RUNX1: variants seen among roughly 807,000 people sequenced by gnomAD.
The protein encoded by RUNX1 is RUNX family transcription factor 1.
A neutral mutation model predicts 42.8 loss-of-function variants in RUNX1; 19 were observed. The ratio of observed to expected loss-of-function variants is 0.44; its 90% confidence interval spans 0.31 to 0.65. RUNX1 has a LOEUF of 0.65. Among genes scored for constraint, RUNX1 ranks in the 30% least tolerant of loss-of-function variants. The pLI is 0.07. For synonymous variants in RUNX1, 271 were observed against 289.4 expected, an observed-to-expected ratio of 0.94 and a Z score of 0.64; for missense variants, 528 against 672.0, an observed-to-expected ratio of 0.79 and a Z score of 2.37.
intron 2 of RUNX1, among the ~76,000 whole-genome samples, chr21:34,933,377 G>A (rs1034217079): frequency 1.7e-4 from 26 of 152,156 alleles, no homozygotes; most frequent in African/African-American, 6.0e-4. Flanking sequence ...AGGCTGTGTT[G>A]CTCTGATGTG....
intron 2 of RUNX1, among the ~76,000 whole-genome samples, chr21:34,957,595 T>C (rs1254259441): frequency 1.3e-5 from 2 of 152,200 alleles, no homozygotes; most frequent in Non-Finnish European, 2.9e-5. Flanking sequence ...CCTTTCTCTA[T>C]TATCCGAGGA....
chr21:34,849,304 A>ACT (rs2057365645), intron 6 of RUNX1, among the ~76,000 whole-genome samples: 10 of 39,150 alleles, frequency 2.6e-4, no homozygotes, highest in East Asian at 2.6e-3. Flanking sequence ...TAAAATATAT[A>ACT]ATATATATTA....
chr21:34,957,259 T>C (rs1451814405), intron 2 of RUNX1, among the ~76,000 whole-genome samples: 1 of 152,130 alleles, frequency 6.6e-6, no homozygotes, highest in East Asian at 1.9e-4. Flanking sequence ...GTGATAATTA[T>C]CAATTATAAA....
At chr21:35,027,929 A>T (rs1397347520) in intron 2 of RUNX1, among the ~76,000 whole-genome samples, 1 of 152,194 alleles carries the variant, frequency 6.6e-6, no homozygotes, top group African/African-American at 2.4e-5. Flanking sequence ...GCCTACATTT[A>T]AAAATGCATG....
intron 2 of RUNX1, among the ~76,000 whole-genome samples, chr21:35,003,255 A>G (rs1046595529): frequency 3.9e-5 from 6 of 152,334 alleles, no homozygotes; most frequent in African/African-American, 1.4e-4. Context: ...AGATGCAGTT[A>G]TGGCTAAGTG....
Position 34,861,805 on chromosome 21 carries a change from T to C in RUNX1, c.509-2227A>G, listed in dbSNP as rs544766484. On this transcript the variant is annotated intron_variant, in intron 5 of 8. Transcript: ENST00000675419. ...TCAGTCACTTGTTTTCCAGGCAGCC[T>C]TCCTTGATGACTACATTTTGCTTTA... Among the ~76,000 whole-genome samples, 14 of 152,298 alleles carry C rather than the reference T, an allele frequency of 9.2e-5. 1 individual carries two copies. In the South Asian group the frequency reaches 2.9e-3, roughly 32 times the overall value.
chr21:34,824,903 G>T (rs1282561316), intron 7 of RUNX1, among the ~76,000 whole-genome samples: 1 of 152,190 alleles, frequency 6.6e-6, no homozygotes, highest in African/African-American at 2.4e-5. Context: ...TGCCTAATAA[G>T]AAAACCCAAG....
chr21:34,909,068 C>A (rs1180595343), intron 2 of RUNX1, among the ~76,000 whole-genome samples: 1 of 152,100 alleles, frequency 6.6e-6, no homozygotes, highest in Non-Finnish European at 1.5e-5. Flanking sequence ...CAAATTAAAC[C>A]TGAATCTTAA....
chr21:34,850,098 A>G (rs986462227), intron 6 of RUNX1, among the ~76,000 whole-genome samples: 1 of 152,226 alleles, frequency 6.6e-6, no homozygotes, highest in African/African-American at 2.4e-5. Flanking sequence ...TGAAAAATGG[A>G]AAGTGGCTAG....
intron 2 of RUNX1, among the ~76,000 whole-genome samples, chr21:35,033,320 A>G (rs546637254): frequency 1.3e-5 from 2 of 152,356 alleles, no homozygotes; most frequent in East Asian, 3.9e-4. Flanking sequence ...ATGTTTTGGT[A>G]AGAGCAAATA....
chr21:34,943,512 G>A (rs931666754), intron 2 of RUNX1, among the ~76,000 whole-genome samples: 4 of 152,164 alleles, frequency 2.6e-5, no homozygotes, highest in African/African-American at 7.2e-5. Flanking sequence ...GGGGATCAAC[G>A]GATCAAAATC....
chr21:34,936,313 G>A (rs2146614504), intron 2 of RUNX1, among the ~76,000 whole-genome samples: 1 of 152,042 alleles, frequency 6.6e-6, no homozygotes, highest in Middle Eastern at 3.4e-3. Flanking sequence ...TCCAGAAAAT[G>A]TTTTAAATTA....
chr21:34,950,586 A>C (rs2058599651), intron 2 of RUNX1, among the ~76,000 whole-genome samples: 2 of 152,158 alleles, frequency 1.3e-5, no homozygotes, highest in African/African-American at 2.4e-5. Context: ...TAAATACAAA[A>C]ATTAGCTGCG....
intron 5 of RUNX1, among the ~76,000 whole-genome samples, chr21:34,868,908 G>A (rs1339713406): frequency 6.6e-6 from 1 of 152,164 alleles, no homozygotes; most frequent in Non-Finnish European, 1.5e-5. Flanking sequence ...GTGGGGCAGA[G>A]GGAGAGTTCT....
chr21:34,803,646 C>T (rs991892097), intron 7 of RUNX1, among the ~76,000 whole-genome samples: 1 of 152,164 alleles, frequency 6.6e-6, no homozygotes, highest in Non-Finnish European at 1.5e-5. Context: ...ATGTCTGATG[C>T]AGCCACTTTA....
At chr21:35,035,382 C>T (rs1446310698) in intron 2 of RUNX1, among the ~76,000 whole-genome samples, 2 of 152,196 alleles carry the variant, frequency 1.3e-5, no homozygotes, top group Admixed American at 6.5e-5. Flanking sequence ...CCTCCCCACA[C>T]CCTGTCACAT....
At chr21:34,851,249 A>G (rs1248673320) in intron 6 of RUNX1, among the ~76,000 whole-genome samples, 2 of 152,260 alleles carry the variant, frequency 1.3e-5, no homozygotes, top group African/African-American at 4.8e-5. Flanking sequence ...ACCTGAGTGC[A>G]TGTGGATTTG....
chr21:34,793,445 C>T (rs1451893389), intron 8 of RUNX1, among the ~76,000 whole-genome samples: 1 of 151,934 alleles, frequency 6.6e-6, no homozygotes, highest in African/African-American at 2.4e-5. Context: ...CTGCAGCCTG[C>T]CAGCCAAATC....
At chr21:34,887,745 A>G in intron 3 of RUNX1, 1 of 1,060,498 alleles carries the variant, frequency 9.4e-7, no homozygotes, top group Non-Finnish European at 1.1e-6. Context: ...TTACAATACA[A>G]TCTGTGGAGA....
Sources: allele counts gnomAD v4.1 joint callset (sites outside exome capture counted in the v4.1 genomes callset), GRCh38; gene constraint gnomAD v4.1.1; transcripts MANE v1.5; gene names NCBI Gene and HGNC (gene_info 2026-07-23, HGNC 2026-07-21).